PPM1D: variants seen among roughly 807,000 people sequenced by gnomAD.
The protein encoded by PPM1D is protein phosphatase 1D.
PPM1D carries 52 observed loss-of-function variants against 58.3 expected under a neutral mutation model. That is an observed-to-expected ratio of 0.89 (90% CI 0.71 to 1.12). PPM1D has a LOEUF of 1.12. Among genes scored for constraint, PPM1D ranks in the 50% most tolerant of loss-of-function variants. PPM1D has a pLI of 0.00. For missense variants in PPM1D, 564 were observed against 777.2 expected (o/e 0.73, Z 3.26); for synonymous variants, 278 against 285.1 (o/e 0.98, Z 0.25).
intron 1 of PPM1D, among the ~76,000 whole-genome samples, chr17:60,613,664 G>A (rs958033279): frequency 6.6e-6 from 1 of 152,232 alleles, no homozygotes; most frequent in African/African-American, 2.4e-5. Flanking sequence ...GTGGGCCAGC[G>A]CGAGTTCCAG....
Position 60,663,198 on chromosome 17 carries a change from TTC to T in PPM1D, c.1466_1467del (p.Ser489PhefsTer3). 6.2e-7 allele frequency: 1 copy of T among 1,614,166 alleles called. No individual in the cohort carries two copies. Among genetic ancestry groups the T allele is most frequent in the Non-Finnish European group, 8.5e-7 (1 of 1,179,994 alleles). On this transcript the variant is annotated frameshift_variant, in exon 6 of 6. Coordinates refer to ENST00000305921, the MANE Select transcript of PPM1D (RefSeq NM_003620.4). LOFTEE classifies it high-confidence loss of function. The stretch of plus-strand genomic sequence containing the variant: ...AAGCCCTGACTTTAAGGATACATGA[TTC>T]TTTGAATAATAGCCTTCCAATTGGC... ...AKALTLRIHD[S>X]LNNSLPIGLV...
chr17:60,603,248 T>A (rs1364615586), intron 1 of PPM1D, among the ~76,000 whole-genome samples: 3 of 152,176 alleles, frequency 2.0e-5, no homozygotes, highest in African/African-American at 7.2e-5. Flanking sequence ...ACCCTTTATA[T>A]GCTTATTGAG....
At chr17:60,617,741 C>T (rs1157527304) in intron 1 of PPM1D, among the ~76,000 whole-genome samples, 1 of 152,062 alleles carries the variant, frequency 6.6e-6, no homozygotes. Flanking sequence ...AAAATTGATA[C>T]CTTTTCTCTG....
chr17:60,610,807 G>A (rs1207554701), intron 1 of PPM1D, among the ~76,000 whole-genome samples: 1 of 152,176 alleles, frequency 6.6e-6, no homozygotes, highest in East Asian at 1.9e-4. Context: ...CAATTGCTGG[G>A]TCATGAGGTA....
At chr17:60,632,585 C>T (rs1262207548) in intron 2 of PPM1D, among the ~76,000 whole-genome samples, 4 of 151,762 alleles carry the variant, frequency 2.6e-5, no homozygotes, top group Non-Finnish European at 4.4e-5. Flanking sequence ...ACAGGCTGGG[C>T]GCTGTGGCTC....
At chr17:60,656,065 T>A (rs1269899826) in intron 4 of PPM1D, among the ~76,000 whole-genome samples, 2 of 152,104 alleles carry the variant, frequency 1.3e-5, no homozygotes, top group Non-Finnish European at 2.9e-5. Flanking sequence ...ATAGTGAAAT[T>A]TAATGACAGG....
chr17:60,624,041 A>G (rs981991055), intron 2 of PPM1D, among the ~76,000 whole-genome samples: 2 of 152,226 alleles, frequency 1.3e-5, no homozygotes, highest in Non-Finnish European at 2.9e-5. Context: ...CAGAATCTAG[A>G]CGGAGCAGCT....
At chr17:60,619,115 A>T (rs546800871) in intron 1 of PPM1D, among the ~76,000 whole-genome samples, 1 of 152,098 alleles carries the variant, frequency 6.6e-6, no homozygotes, top group South Asian at 2.1e-4. Flanking sequence ...GATTCCACGT[A>T]TAAGTAAGAT....
chr17:60,614,162 A>G (rs113207805), intron 1 of PPM1D, among the ~76,000 whole-genome samples: 3,341 of 152,272 alleles, frequency 0.022, 49 homozygotes, highest in Non-Finnish European at 0.03. Context: ...TACACCAATC[A>G]GCACTCCGTA....
At chr17:60,625,456 T>C (rs2030788160) in intron 2 of PPM1D, among the ~76,000 whole-genome samples, 1 of 152,244 alleles carries the variant, frequency 6.6e-6, no homozygotes, top group Non-Finnish European at 1.5e-5. Context: ...ATCTGAACTG[T>C]GGACAAAAAT....
chr17:60,641,331 C>T (rs1023307717), intron 3 of PPM1D, among the ~76,000 whole-genome samples: 20 of 152,234 alleles, frequency 1.3e-4, no homozygotes, highest in Non-Finnish European at 2.2e-4. Context: ...TTTTGATTTG[C>T]GTTCTCTAAT....
rs942853474 is a variant in PPM1D, at chr17:60,619,530, A to G, written c.473-3991A>G. Among the ~76,000 whole-genome samples the G allele has an allele frequency of 2.0e-5, 3 of 152,194 alleles. No individual in the cohort carries two copies. The South Asian group carries it at 6.2e-4, about 31-fold the overall frequency. ...TGTACAAATGTTCTCCCTTCTTCAC[A>G]TCCTGGCCAGCACTTGTTTACTGTT... On this transcript the variant is annotated intron_variant, in intron 1 of 5. Coordinates refer to ENST00000305921, the MANE Select transcript of PPM1D (RefSeq NM_003620.4).
intron 5 of PPM1D, among the ~76,000 whole-genome samples, chr17:60,660,932 G>A (rs2031514736): frequency 6.6e-6 from 1 of 152,040 alleles, no homozygotes; most frequent in African/African-American, 2.4e-5. Context: ...TGTATATTCA[G>A]GCTGGGCGCA....
At chr17:60,603,173 C>CT (rs879890329) in intron 1 of PPM1D, among the ~76,000 whole-genome samples, 7 of 152,044 alleles carry the variant, frequency 4.6e-5, no homozygotes, top group Admixed American at 2.0e-4. Flanking sequence ...ATTGAGCACC[C>CT]TTTTTTCTAC....
Position 60,656,797 on chromosome 17 carries a change from A to G in PPM1D, c.1216A>G (p.Thr406Ala), listed in dbSNP as rs900790067. The G allele has an allele frequency of 1.2e-5, 19 of 1,613,920 alleles. No individual in the cohort carries two copies. The highest frequency in any genetic ancestry group is 1.4e-5 in the Non-Finnish European group (17 of 1,179,956). Residue 406 changes from threonine (T) to alanine (A), a missense_variant, in exon 5 of 6, where the codon ACC becomes GCC. Thr to Ala is a moderately conservative substitution (Grantham distance 58). Coordinates refer to ENST00000305921, the MANE Select transcript of PPM1D (RefSeq NM_003620.4). ...TDSPSYNSQETCVMTPSPCST... is the reference protein window; with the variant it reads ...TDSPSYNSQEACVMTPSPCST... ...CAGCCCTTCCTATAATAGTCAAGAA[A>G]CCTGTGTGATGACTCCTTCCCCATG...
At chr17:60,613,499 C>T (rs148749362) in intron 1 of PPM1D, among the ~76,000 whole-genome samples, 1,882 of 152,354 alleles carry the variant, frequency 0.012, 36 homozygotes, top group African/African-American at 0.043. Flanking sequence ...TCAGCCTTGG[C>T]GCCTACTCTG....
At chr17:60,600,956 C>A in intron 1 of PPM1D, 70 bp downstream of exon 1, 1 of 1,594,048 alleles carries the variant, frequency 6.3e-7, no homozygotes, top group South Asian at 1.1e-5. Context: ...GCACCAGCCC[C>A]GCGTGGGCCC....
chr17:60,615,419 T>G (rs757823140), intron 1 of PPM1D, among the ~76,000 whole-genome samples: 2 of 151,234 alleles, frequency 1.3e-5, no homozygotes, highest in Non-Finnish European at 2.9e-5. Flanking sequence ...GAGGAAAAAA[T>G]GAAAAGAATA....
At chr17:60,621,294 A>G (rs1321772122) in intron 1 of PPM1D, among the ~76,000 whole-genome samples, 4 of 152,182 alleles carry the variant, frequency 2.6e-5, no homozygotes, top group Admixed American at 6.5e-5. Context: ...TGTGTATGGT[A>G]TAAGACAAGG....
Sources: allele counts gnomAD v4.1 joint callset (sites outside exome capture counted in the v4.1 genomes callset), GRCh38; gene constraint gnomAD v4.1.1; transcripts MANE v1.5; gene names NCBI Gene and HGNC (gene_info 2026-07-23, HGNC 2026-07-21).